B3GLCT: variants seen among roughly 807,000 people sequenced by gnomAD.
B3GLCT encodes the protein beta 3-glucosyltransferase.
B3GLCT carries 65 observed loss-of-function variants against 63.4 expected under a neutral mutation model. The observed-to-expected ratio is 1.03, with a 90% confidence interval of 0.84 to 1.26. The LOEUF (loss-of-function observed/expected upper bound fraction) is 1.26. Among genes scored for constraint, B3GLCT ranks in the 50% most tolerant of loss-of-function variants. The pLI is 0.00. For synonymous variants in B3GLCT, 233 were observed against 219.2 expected (o/e 1.06, Z -0.55); for missense variants, 577 against 604.8 (o/e 0.95, Z 0.48).
At chr13:31,244,824 T>C (rs1417391070) in intron 4 of B3GLCT, among the ~76,000 whole-genome samples, 4 of 152,194 alleles carry the variant, frequency 2.6e-5, no homozygotes, top group Admixed American at 6.5e-5. Flanking sequence ...AGATTAAAAT[T>C]TATTTACAAT....
At chr13:31,238,128 A>G (rs1320612344) in intron 4 of B3GLCT, among the ~76,000 whole-genome samples, 1 of 152,218 alleles carries the variant, frequency 6.6e-6, no homozygotes, top group Non-Finnish European at 1.5e-5. Flanking sequence ...CAAAAATTTA[A>G]TGACTTCTGT....
intron 2 of B3GLCT, among the ~76,000 whole-genome samples, chr13:31,217,682 T>G (rs1447908216): frequency 6.6e-6 from 1 of 152,212 alleles, no homozygotes; most frequent in African/African-American, 2.4e-5. Flanking sequence ...CCCAGCACCA[T>G]TTATTGAATA....
Position 31,330,569 on chromosome 13 carries a change from A to G in B3GLCT, c.*901A>G, listed in dbSNP as rs1875869831. On this transcript the variant is annotated 3_prime_UTR_variant, in exon 15 of 15. Transcript: ENST00000343307. ...TTTTTTTTTTTTTAAATGTTACTTA[A>G]TGACTCTCTCCTGACTCAGGAGAGA... The G allele has an allele frequency of 6.9e-6, 1 of 145,578 alleles. No individual in the cohort carries two copies. Among genetic ancestry groups the G allele is most frequent in the Non-Finnish European group, 1.5e-5 (1 of 66,630 alleles). The allele number at this position is 145,578 out of a possible 1,614,324, so 9.0% of individuals were successfully genotyped here.
intron 12 of B3GLCT, among the ~76,000 whole-genome samples, chr13:31,313,295 T>A (rs1874819043): frequency 6.6e-6 from 1 of 152,196 alleles, no homozygotes; most frequent in South Asian, 2.1e-4. Flanking sequence ...GAGACAGGGC[T>A]CAGAAGAAGA....
intron 10 of B3GLCT, among the ~76,000 whole-genome samples, chr13:31,281,934 T>A (rs1057230282): frequency 2.6e-5 from 4 of 152,234 alleles, no homozygotes; most frequent in Non-Finnish European, 4.4e-5. Context: ...GAGACACATC[T>A]TCTGCTTAGA....
chr13:31,228,006 G>C (rs893627428), intron 3 of B3GLCT, among the ~76,000 whole-genome samples: 1 of 152,214 alleles, frequency 6.6e-6, no homozygotes, highest in Non-Finnish European at 1.5e-5. Context: ...GTGTTTCTCT[G>C]GGAGGCAGCC....
intron 12 of B3GLCT, chr13:31,312,519 A>C (rs1874770878): frequency 6.6e-6 from 1 of 152,244 alleles, no homozygotes; most frequent in Non-Finnish European, 1.5e-5. Flanking sequence ...AATTTAGTAC[A>C]ACAAGAATGT....
chr13:31,331,085 A>G lies in B3GLCT; in HGVS notation c.*1417A>G, dbSNP rs1482342825. 1 of 152,226 alleles carries G rather than the reference A, an allele frequency of 6.6e-6. No individual in the cohort carries two copies. Among genetic ancestry groups the G allele is most frequent in the Non-Finnish European group, 1.5e-5 (1 of 68,052 alleles). 9.4% of individuals were successfully genotyped at this position (152,226 alleles called of 1,614,324 possible). ...TTTTGTGAAAATGGATTCTGTGGCCATCCAAGGGATGTATCAGGGATGATC... is the reference window on the plus strand; with the variant it reads ...TTTTGTGAAAATGGATTCTGTGGCCGTCCAAGGGATGTATCAGGGATGATC... On this transcript the variant is annotated 3_prime_UTR_variant, in exon 15 of 15. Coordinates refer to ENST00000343307, the MANE Select transcript of B3GLCT (RefSeq NM_194318.4).
In B3GLCT at chr13:31,323,878, A is replaced by T. The variant is rs755700643; in HGVS notation, c.1312A>T (p.Ser438Cys). 6.2e-7 allele frequency: 1 copy of T among 1,614,186 alleles called. No individual in the cohort carries two copies. The highest frequency in any genetic ancestry group is 8.5e-7 in the Non-Finnish European group (1 of 1,180,022). ...FSGLGIPVTH[S>C]PLFHQARPVD... ...TGGCTTGGGAATCCCTGTGACACAC[A>T]GCCCTCTCTTCCATCAGGTGAGGAA... The change falls in exon 14 of 15, where the codon AGC becomes TGC. Residue 438 changes from serine to cysteine, a missense_variant. By Grantham distance (112) the Ser-to-Cys change is moderately radical. Coordinates refer to ENST00000343307, the MANE Select transcript of B3GLCT (RefSeq NM_194318.4).
chr13:31,325,786 C>G (rs1336386150), intron 14 of B3GLCT, among the ~76,000 whole-genome samples: 6 of 152,142 alleles, frequency 3.9e-5, no homozygotes, highest in African/African-American at 2.4e-5. Flanking sequence ...GTTTGTTCAT[C>G]TTCACAAAGA....
intron 8 of B3GLCT, 98 bp downstream of exon 8, chr13:31,269,375 C>A: frequency 1.2e-6 from 1 of 825,256 alleles, no homozygotes; most frequent in Non-Finnish European, 2.0e-6. Flanking sequence ...GCATTTTCCC[C>A]ACCCACATCT....
At chr13:31,319,519 G>C (rs1328598399) in intron 13 of B3GLCT, among the ~76,000 whole-genome samples, 1 of 152,126 alleles carries the variant, frequency 6.6e-6, no homozygotes, top group Non-Finnish European at 1.5e-5. Flanking sequence ...CTGTTGACCT[G>C]AAACACCCCT....
At chr13:31,207,903 C>T (rs771344129) in intron 1 of B3GLCT, among the ~76,000 whole-genome samples, 2 of 152,178 alleles carry the variant, frequency 1.3e-5, no homozygotes, top group African/African-American at 2.4e-5. Flanking sequence ...GGCACTTGAG[C>T]AAAAGGCTCA....
Position 31,254,378 on chromosome 13 carries a change from A to C in B3GLCT, c.459+6412A>C, listed in dbSNP as rs1593276125. Reference sequence around the variant, plus strand: ...ATGCAAGGCTGGCTCAACATATGCAAATCAATAAATGTAATCCATCACATA... The same window carrying C: ...ATGCAAGGCTGGCTCAACATATGCACATCAATAAATGTAATCCATCACATA... On this transcript the variant is annotated intron_variant, in intron 6 of 14. Coordinates refer to ENST00000343307, the MANE Select transcript of B3GLCT (RefSeq NM_194318.4). Among the ~76,000 whole-genome samples, 10 of 152,340 alleles carry C rather than the reference A, an allele frequency of 6.6e-5. No individual in the cohort carries two copies. In the South Asian group the frequency reaches 2.1e-3, roughly 32 times the overall value.
intron 6 of B3GLCT, among the ~76,000 whole-genome samples, chr13:31,251,400 G>A (rs1051341368): frequency 2.0e-5 from 3 of 152,138 alleles, no homozygotes; most frequent in Non-Finnish European, 2.9e-5. Context: ...TTCCGAAGGT[G>A]GGTAATAACA....
rs570795072 is a variant in B3GLCT at position 31,262,238 on chromosome 13, A to G, written c.596+1156A>G. ...TACAGTCTGTTTACTCAGACTTTCCAGTAATTCCATGAGCCATCTATATGC... is the reference window on the plus strand; with the variant it reads ...TACAGTCTGTTTACTCAGACTTTCCGGTAATTCCATGAGCCATCTATATGC... On this transcript the variant is annotated intron_variant, in intron 7 of 14. Coordinates refer to ENST00000343307, the MANE Select transcript of B3GLCT (RefSeq NM_194318.4). 8.4e-4 allele frequency among the ~76,000 whole-genome samples: 128 copies of G among 152,342 alleles called. 1 individual carries two copies. The highest frequency in any genetic ancestry group is 3.0e-3 in the African/African-American group (125 of 41,576).
chr13:31,208,305 G>A (rs1869071584), intron 1 of B3GLCT, among the ~76,000 whole-genome samples: 1 of 152,032 alleles, frequency 6.6e-6, no homozygotes, highest in Non-Finnish European at 1.5e-5. Context: ...TGTCTCCTTT[G>A]CAGTTTTGTC....
At position 31,329,799 on chromosome 13, in the gene B3GLCT, T is replaced by G. The variant is rs992316789; in HGVS notation, c.*131T>G. ...GGTGCTTCCTGACTTTAGGGGGAGA[T>G]TTTATGTATGGTATTTTTTGACAGA... On this transcript the variant is annotated 3_prime_UTR_variant, in exon 15 of 15. Coordinates refer to ENST00000343307, the MANE Select transcript of B3GLCT (RefSeq NM_194318.4). 4.1e-6 allele frequency: 4 copies of G among 985,046 alleles called. No individual in the cohort carries two copies. 61.0% of individuals were successfully genotyped at this position (985,046 alleles called of 1,614,324 possible). A position where few individuals can be genotyped will look rare whatever the true frequency, so the allele number is the denominator to read the frequency against.
At chr13:31,269,307 T>G in intron 8 of B3GLCT, 30 bp downstream of exon 8, 1 of 1,508,062 alleles carries the variant, frequency 6.6e-7, no homozygotes, top group South Asian at 1.1e-5. Flanking sequence ...ATTAAAAATC[T>G]TACTAATCAA....
Sources: gnomAD v4.1 joint callset for allele counts (sites outside exome capture counted in the v4.1 genomes callset) on GRCh38, gnomAD v4.1.1 for gene constraint, MANE v1.5 for transcripts, NCBI Gene and HGNC (gene_info 2026-07-23, HGNC 2026-07-21) for gene names.